Variants in IPMK observed in about 807,000 individuals in gnomAD.
The protein encoded by IPMK is inositol 1,3,4,6-tetrakisphosphate 5-kinase.
A neutral mutation model predicts 45.8 loss-of-function variants in IPMK; 17 were observed. The ratio of observed to expected loss-of-function variants is 0.37; its 90% CI spans 0.25 to 0.56. The LOEUF (loss-of-function observed/expected upper bound fraction) is 0.56. IPMK is among the 20% of genes least tolerant of loss of function. The pLI, the probability that IPMK is intolerant of heterozygous loss-of-function variation, is 0.79. For missense variants in IPMK, 399 were observed against 498.0 expected, an observed-to-expected ratio of 0.80 and a Z score of 1.89; for synonymous variants, 180 against 184.3, an observed-to-expected ratio of 0.98 and a Z score of 0.19.
At chr10:58,227,201 T>G in intron 2 of IPMK, 62 bp from the exon 3 acceptor site, 1 of 1,184,316 alleles carries the variant, frequency 8.4e-7, no homozygotes. Context: ...CCCTGCACAT[T>G]TCTCAAATAA....
intron 1 of IPMK, among the ~76,000 whole-genome samples, chr10:58,246,742 G>T (rs1447118773): frequency 6.6e-6 from 1 of 151,846 alleles, no homozygotes; most frequent in Non-Finnish European, 1.5e-5. Flanking sequence ...ACACAGGCAT[G>T]GGCAAGGACT....
At chr10:58,244,666 G>A (rs918111282) in intron 1 of IPMK, among the ~76,000 whole-genome samples, 1 of 152,242 alleles carries the variant, frequency 6.6e-6, no homozygotes, top group East Asian at 1.9e-4. Flanking sequence ...GAAAGAAGTA[G>A]ACATAGGAGA....
At chr10:58,230,637 A>T (rs1245480967) in intron 2 of IPMK, among the ~76,000 whole-genome samples, 1 of 152,182 alleles carries the variant, frequency 6.6e-6, no homozygotes, top group South Asian at 2.1e-4. Context: ...CAACATCAAC[A>T]AAAAGGTCAT....
At chr10:58,252,421 A>T (rs1035905063) in intron 1 of IPMK, among the ~76,000 whole-genome samples, 2 of 140,858 alleles carry the variant, frequency 1.4e-5, no homozygotes, top group Non-Finnish European at 3.0e-5. Context: ...GTATTAGAGT[A>T]TTCTGAATTT....
rs11006079 is a variant in IPMK at position 58,208,101 on chromosome 10, C to T, written c.546+8044G>A. Among the ~76,000 whole-genome samples, 332 of 151,914 alleles carry T rather than the reference C, an allele frequency of 2.2e-3. 5 individuals are homozygous for T. In the East Asian group the frequency reaches 0.045, roughly 21 times the overall value. On this transcript the variant is annotated intron_variant, in intron 4 of 5. Transcript: ENST00000373935. Reference sequence around the variant, plus strand: ...GACTACAGGCGCCCGCCACCACGCCCGGCTAATTTTTTGTATTTTTAGTAG... The same window carrying T: ...GACTACAGGCGCCCGCCACCACGCCTGGCTAATTTTTTGTATTTTTAGTAG...
intron 4 of IPMK, among the ~76,000 whole-genome samples, chr10:58,206,399 A>G (rs1299631162): frequency 6.6e-6 from 1 of 152,238 alleles, no homozygotes; most frequent in Non-Finnish European, 1.5e-5. Context: ...GCCCAAGTCT[A>G]TGAATTGATT....
chr10:58,264,001 C>T (rs906687548), intron 1 of IPMK, among the ~76,000 whole-genome samples: 1 of 152,148 alleles, frequency 6.6e-6, no homozygotes, highest in Non-Finnish European at 1.5e-5. Flanking sequence ...GGACCAGATC[C>T]TGTACTGAGA....
At chr10:58,256,314 A>G (rs2590351) in intron 1 of IPMK, among the ~76,000 whole-genome samples, 51,455 of 152,042 alleles carry the variant, frequency 0.34, 10,950 homozygotes, top group African/African-American at 0.61. Flanking sequence ...GGCCCTCTGG[A>G]AGTGTCTGCC....
At chr10:58,228,472 AG>A (rs1207897961) in intron 2 of IPMK, among the ~76,000 whole-genome samples, 7 of 152,230 alleles carry the variant, frequency 4.6e-5, no homozygotes, top group Admixed American at 1.3e-4. Flanking sequence ...TTTTAAAAGT[AG>A]TGGGACTGGT....
chr10:58,261,427 C>A (rs913838091), intron 1 of IPMK, among the ~76,000 whole-genome samples: 1 of 151,648 alleles, frequency 6.6e-6, no homozygotes, highest in African/African-American at 2.4e-5. Context: ...ATGTTATAAG[C>A]TTTCAAATAT....
intron 4 of IPMK, among the ~76,000 whole-genome samples, chr10:58,213,508 T>C (rs1306865818): frequency 4.6e-5 from 7 of 151,822 alleles, no homozygotes; most frequent in Non-Finnish European, 7.4e-5. Context: ...CATGGTGAAA[T>C]CCCATATCTA....
intron 5 of IPMK, 80 bp downstream of exon 5, chr10:58,199,160 C>A: frequency 1.3e-6 from 1 of 797,790 alleles, no homozygotes; most frequent in Non-Finnish European, 2.0e-6. Context: ...ATCACTTTTC[C>A]AAATGACAAC....
At chr10:58,246,890 T>G (rs1330654158) in intron 1 of IPMK, among the ~76,000 whole-genome samples, 3 of 151,152 alleles carry the variant, frequency 2.0e-5, no homozygotes, top group South Asian at 2.1e-4. Flanking sequence ...GGAGAAAATT[T>G]TCGCAACCTA....
At chr10:58,238,228 T>C (rs1049099098) in intron 1 of IPMK, among the ~76,000 whole-genome samples, 7 of 152,228 alleles carry the variant, frequency 4.6e-5, no homozygotes, top group Non-Finnish European at 8.8e-5. Flanking sequence ...ACAGTGGCCA[T>C]ATATGAATTT....
At chr10:58,197,334 A>AATACATAC (rs1837916204) in intron 5 of IPMK, among the ~76,000 whole-genome samples, 3 of 147,650 alleles carry the variant, frequency 2.0e-5, no homozygotes, top group African/African-American at 7.7e-5. Flanking sequence ...TAAATACATA[A>AATACATAC]ATACATAAAC....
chr10:58,218,546 A>G (rs1388406603), intron 3 of IPMK, among the ~76,000 whole-genome samples: 1 of 152,250 alleles, frequency 6.6e-6, no homozygotes, highest in Non-Finnish European at 1.5e-5. Flanking sequence ...AATACATAGT[A>G]CAGTAGATCC....
intron 5 of IPMK, among the ~76,000 whole-genome samples, 184 bp downstream of exon 5, chr10:58,199,056 T>C (rs1837958951): frequency 6.6e-6 from 1 of 152,134 alleles, no homozygotes; most frequent in African/African-American, 2.4e-5. Flanking sequence ...CATAGTCCCA[T>C]GCTCTTGATA....
chr10:58,250,875 T>G (rs1442057711), intron 1 of IPMK, among the ~76,000 whole-genome samples: 1 of 152,218 alleles, frequency 6.6e-6, no homozygotes, highest in Non-Finnish European at 1.5e-5. Flanking sequence ...GTGAGAATTT[T>G]TATCAGGAAG....
Position 58,243,203 on chromosome 10 carries a change from G to A in IPMK, c.191-5389C>T, listed in dbSNP as rs74859805. 2.5e-3 allele frequency among the ~76,000 whole-genome samples: 387 copies of A among 152,194 alleles called. 1 individual carries two copies. The highest frequency in any genetic ancestry group is 8.8e-3 in the African/African-American group (367 of 41,520). Reference sequence around the variant, plus strand: ...TATTTACAATAGCTGAGAAGTGGAAGCAACTTCTATGTCCATTGACAAATG... The same window carrying A: ...TATTTACAATAGCTGAGAAGTGGAAACAACTTCTATGTCCATTGACAAATG... On this transcript the variant is annotated intron_variant, in intron 1 of 5. Coordinates refer to ENST00000373935, the MANE Select transcript of IPMK (RefSeq NM_152230.5).
Sources: allele counts gnomAD v4.1 joint callset (sites outside exome capture counted in the v4.1 genomes callset), GRCh38; gene constraint gnomAD v4.1.1; transcripts MANE v1.5; gene names NCBI Gene and HGNC (gene_info 2026-07-23, HGNC 2026-07-21).